MED24: variants seen among roughly 807,000 people sequenced by gnomAD.
The protein encoded by MED24 is mediator complex subunit 24, also known as mediator of RNA polymerase II transcription subunit 24.
MED24 carries 74 observed loss-of-function variants against 118.8 expected under a neutral mutation model. That is an observed-to-expected ratio of 0.62 (90% CI 0.52 to 0.76). MED24 has a LOEUF of 0.76. MED24 is among the 30% of genes least tolerant of loss of function. MED24 has a pLI of 0.00. For missense variants in MED24, 1,041 were observed against 1,278.9 expected, an observed-to-expected ratio of 0.81 and a Z score of 2.84; for synonymous variants, 521 against 523.9, an observed-to-expected ratio of 0.99 and a Z score of 0.08.
intron 14 of MED24, among the ~76,000 whole-genome samples, chr17:40,028,433 G>A (rs1982978850): frequency 6.6e-6 from 1 of 152,160 alleles, no homozygotes. Context: ...TTTATTGTTA[G>A]AAGATTTCCA....
intron 3 of MED24, among the ~76,000 whole-genome samples, chr17:40,039,773 C>T (rs1226273396): frequency 6.8e-6 from 1 of 147,872 alleles, no homozygotes; most frequent in African/African-American, 2.5e-5. Context: ...TGCACACCAC[C>T]ATGCTTAATT....
intron 11 of MED24, 117 bp downstream of exon 11, chr17:40,031,421 C>T: frequency 1.6e-6 from 2 of 1,284,852 alleles, no homozygotes; most frequent in East Asian, 2.3e-5. Context: ...ATTTCCTGCC[C>T]CTGCCAAGGG....
In MED24 at chr17:40,022,682, G is replaced by A. The variant is rs1385124494; in HGVS notation, c.2395C>T (p.His799Tyr). The change falls in exon 21 of 26, where the codon CAC becomes TAC. Residue 799 changes from histidine to tyrosine, a missense_variant. His to Tyr is a moderately conservative substitution (Grantham distance 83). Transcript: ENST00000394128. ...GTGCCCGGGGGGTCCATGAGGCTGT[G>A]CCACTTGGAGGAGTCAGTGAGCAGG... ...PGLLTDSSKW[H>Y]SLMDPPGTAL... 1 of 1,613,810 alleles carries A rather than the reference G, an allele frequency of 6.2e-7. No homozygotes were observed. Among genetic ancestry groups the A allele is most frequent in the African/African-American group, 1.3e-5 (1 of 75,012 alleles).
intron 12 of MED24, 31 bp from the exon 13 acceptor site, chr17:40,029,890 G>A: frequency 1.3e-6 from 2 of 1,584,224 alleles, no homozygotes; most frequent in Non-Finnish European, 1.7e-6. Flanking sequence ...CCAAGGAAGG[G>A]AAGAGGAATG....
chr17:40,039,893 C>T (rs549329246), intron 3 of MED24, among the ~76,000 whole-genome samples: 110 of 148,874 alleles, frequency 7.4e-4, no homozygotes, highest in Middle Eastern at 7.5e-3. Flanking sequence ...ACACCATTCT[C>T]CTGCCTCAGC....
rs202125417 is a variant in MED24, at chr17:40,022,728, C to T, written c.2349G>A (p.Leu783=). Residue 783 remains leucine, a synonymous_variant, in exon 21 of 26, where the codon CTG becomes CTA. Coordinates refer to ENST00000394128, the MANE Select transcript of MED24 (RefSeq NM_014815.4). ...GCAGGCCAGGTAGGATGTGGCCCAG[C>T]AGGACCAGGGTCACTTGCTGCATGT... is the stretch of plus-strand genomic sequence containing the variant. ...CLDMQQVTLV[L]LGHILPGLLT... The T allele has an allele frequency of 2.0e-5, 32 of 1,613,880 alleles. No homozygotes were observed. Among genetic ancestry groups the T allele is most frequent in the Middle Eastern group, 1.7e-4 (1 of 6,010 alleles).
At chr17:40,034,855 C>CGGGGGGGGGGGGGGGGGGGGGGGG in intron 6 of MED24, 1 of 223,236 alleles carries the variant, frequency 4.5e-6, no homozygotes, top group Non-Finnish European at 9.3e-6. Flanking sequence ...TTGGTAGCCC[C>CGGGGGGGGGGGGGGGGGGGGGGGG]CCACCCCCCA....
intron 3 of MED24, 60 bp from the exon 4 acceptor site, chr17:40,036,214 A>C: frequency 6.6e-7 from 1 of 1,518,818 alleles, no homozygotes. Context: ...TGAGAGGAAC[A>C]AACACTGATG....
At position 40,023,170 on chromosome 17, in the gene MED24, G is replaced by A. The variant is rs1313819649; in HGVS notation, c.2211C>T (p.His737=). ...RSIHIFDTLL[H]MGGVYWFCNN... is the part of the protein sequence containing the mutation. ...TGCAGAACCAGTAGACGCCGCCCAT[G>A]TGCAGCAGGGTGTCAAAGATGTGGA... Residue 737 remains histidine (H), a synonymous_variant, in exon 20 of 26, where the codon CAC becomes CAT. Transcript: ENST00000394128. 6.2e-7 allele frequency: 1 copy of A among 1,614,034 alleles called. No homozygotes were observed. The highest frequency in any genetic ancestry group is 8.5e-7 in the Non-Finnish European group (1 of 1,180,006).
intron 3 of MED24, among the ~76,000 whole-genome samples, chr17:40,036,686 CAAAAAA>C (rs68118020): frequency 1.1e-5 from 1 of 91,410 alleles, no homozygotes; most frequent in African/African-American, 4.3e-5. Context: ...GACTCTGTCT[CAAAAAA>C]AAAAAAAAAA....
intron 3 of MED24, among the ~76,000 whole-genome samples, chr17:40,042,240 C>T (rs780632759): frequency 6.6e-6 from 1 of 152,016 alleles, no homozygotes. Context: ...GGTAACTTAA[C>T]GAATTGATTC....
At position 40,021,985 on chromosome 17, in the gene MED24, C is replaced by T; in HGVS notation, c.2593G>A (p.Glu865Lys). 6.2e-7 allele frequency: 1 copy of T among 1,611,344 alleles called. No homozygotes were observed. Among genetic ancestry groups the T allele is most frequent in the South Asian group, 1.1e-5 (1 of 90,720 alleles). ...SKLMRLLSSN[E>K]DDANILSSPT... ...CTCGAAAGGATGTTGGCATCGTCCT[C>T]ATTAGAGCTCAGCAGTCGCATCAAC... Residue 865 changes from glutamate (E) to lysine (K), a missense_variant, in exon 23 of 26, where the codon GAG (glutamate) becomes AAG (lysine). Transcript: ENST00000394128.
At chr17:40,030,357 G>A (rs1042581716) in intron 12 of MED24, among the ~76,000 whole-genome samples, 2 of 151,358 alleles carry the variant, frequency 1.3e-5, no homozygotes, top group African/African-American at 2.4e-5. Context: ...ATGCAGTGGC[G>A]CGATCTCAGC....
chr17:40,026,590 A>G, intron 18 of MED24, 57 bp downstream of exon 18: 4 of 1,479,356 alleles, frequency 2.7e-6, no homozygotes, highest in Admixed American at 3.9e-5. Context: ...ATAACAAGTC[A>G]TCACTGGCTG....
rs776125665 is a variant in MED24, at chr17:40,033,171, A to T, written c.707T>A (p.Met236Lys). The change falls in exon 8 of 26, where the codon ATG becomes AAG. Residue 236 changes from methionine (M) to lysine (K), a missense_variant. This residue lies in a region of MED24 where 434 missense variants were observed against 514.9 expected (regional missense o/e 0.84). Coordinates refer to ENST00000394128, the MANE Select transcript of MED24 (RefSeq NM_014815.4). This position sits in a 1 kb window ranked among gnomAD's most constrained non-coding sequence, Gnocchi z 5.2. ...PTMLSVHAEQ[M>K]HKTGFPTVHA... ...GACAGTGGGGAAGCCGGTCTTGTGC[A>T]TCTGCTCCGCATGCACAGACAGCAT... The T allele has an allele frequency of 1.9e-6, 3 of 1,614,122 alleles. No homozygotes were observed. The highest frequency in any genetic ancestry group is 2.5e-6 in the Non-Finnish European group (3 of 1,180,036).
rs35743512 is a variant in MED24, at chr17:40,043,890, C to CAAAAAAAAAAAAAAAAAAAAAAAAA, written c.214-7737_214-7736insTTTTTTTTTTTTTTTTTTTTTTTTT. ...TGGGCAGAAGAGCGAGACTCCATCT[C>CAAAAAAAAAAAAAAAAAAAAAAAAA]AAAAAAAAAAAAAACAAAGATTTAA... On this transcript the variant is annotated intron_variant, in intron 3 of 25. Transcript: ENST00000394128. 3.2e-3 allele frequency among the ~76,000 whole-genome samples: 311 copies of CAAAAAAAAAAAAAAAAAAAAAAAAA among 97,350 alleles called. 25 individuals are homozygous for CAAAAAAAAAAAAAAAAAAAAAAAAA. The highest frequency in any genetic ancestry group is 3.9e-3 in the African/African-American group (106 of 27,106). 63.9% of individuals were successfully genotyped at this position (97,350 alleles called of 152,430 possible).
intron 3 of MED24, among the ~76,000 whole-genome samples, chr17:40,043,890 C>CAAAAAATAAAAAAAAAAAAAAAAAAA: frequency 1.0e-5 from 1 of 97,448 alleles, no homozygotes; most frequent in Admixed American, 1.1e-4. Context: ...GACTCCATCT[C>CAAAAAATAAAAAAAAAAAAAAAAAAA]AAAAAAAAAA....
At chr17:40,037,750 T>C (rs940539603) in intron 3 of MED24, among the ~76,000 whole-genome samples, 2 of 151,438 alleles carry the variant, frequency 1.3e-5, no homozygotes, top group African/African-American at 4.9e-5. Context: ...TCTCTACTAA[T>C]AATACAAAAA....
chr17:40,036,846 A>G (rs2144929431), intron 3 of MED24, among the ~76,000 whole-genome samples: 1 of 152,256 alleles, frequency 6.6e-6, no homozygotes, highest in African/African-American at 2.4e-5. Flanking sequence ...AGAACTAGAG[A>G]CAAACAAACA....
Sources: gnomAD v4.1 joint callset for allele counts (sites outside exome capture counted in the v4.1 genomes callset) on GRCh38, gnomAD v4.1.1 for gene constraint, gnomAD v4.1.1 regional missense constraint, Gnocchi (gnomAD v3.1) non-coding constraint, MANE v1.5 for transcripts, NCBI Gene and HGNC (gene_info 2026-07-23, HGNC 2026-07-21) for gene names.